The following CHD7 variants were observed in gnomAD, a reference collection of about 807,000 sequenced individuals.
CHD7 encodes chromodomain helicase DNA binding protein 7.
CHD7 carries 24 observed loss-of-function variants against 307.3 expected under a neutral mutation model. The observed-to-expected ratio is 0.08, with a 90% CI of 0.06 to 0.11. The LOEUF (loss-of-function observed/expected upper bound fraction) is 0.11, where lower values mean the gene tolerates loss of function less well. Among genes scored for constraint, CHD7 ranks in the 10% least tolerant of loss-of-function variants. CHD7 has a pLI of 1.00. For missense variants in CHD7, 3,106 were observed against 3,727.1 expected, an observed-to-expected ratio of 0.83 and a Z score of 4.34; for synonymous variants, 1,363 against 1,349.9, an observed-to-expected ratio of 1.01 and a Z score of -0.21.
At chr8:60,686,446 G>C (rs1486402549) in intron 1 of CHD7, among the ~76,000 whole-genome samples, 1 of 152,128 alleles carries the variant, frequency 6.6e-6, no homozygotes, top group Non-Finnish European at 1.5e-5. Context: ...AAGAGGTGTA[G>C]ACATCGAATG....
intron 5 of CHD7, among the ~76,000 whole-genome samples, 165 bp from the exon 6 acceptor site, chr8:60,801,363 G>A (rs1485383440): frequency 6.6e-6 from 1 of 152,162 alleles, no homozygotes; most frequent in African/African-American, 2.4e-5. Flanking sequence ...TTGCCTTTCA[G>A]TAGAGTGAGA....
rs41265252 is a variant in CHD7 at position 60,852,279 on chromosome 8, C to A, written c.5894+32C>A. ...TTCTTCAAGGTTTCCACTCAGCTCC[C>A]GGTACATGCCCCTCTGCCCTGCTCC... On this transcript the variant is annotated intron_variant, in intron 29 of 37. Coordinates refer to ENST00000423902, the MANE Select transcript of CHD7 (RefSeq NM_017780.4). 3.1e-5 allele frequency: 48 copies of A among 1,573,060 alleles called. No homozygotes were observed. Among genetic ancestry groups the A allele is most frequent in the Admixed American group, 5.1e-5 (3 of 58,996 alleles).
intron 1 of CHD7, among the ~76,000 whole-genome samples, chr8:60,730,865 A>T (rs1489958530): frequency 6.6e-6 from 1 of 152,208 alleles, no homozygotes; most frequent in African/African-American, 2.4e-5. Context: ...GTCTCAAAAA[A>T]AAAAAAGGAA....
At chr8:60,761,388 T>C (rs1300161032) in intron 2 of CHD7, among the ~76,000 whole-genome samples, 2 of 151,048 alleles carry the variant, frequency 1.3e-5, no homozygotes, top group Admixed American at 6.6e-5. Flanking sequence ...ATATACCTAA[T>C]GCTAAATGAC....
At chr8:60,830,953 G>A (rs1171639150) in intron 15 of CHD7, among the ~76,000 whole-genome samples, 1 of 152,152 alleles carries the variant, frequency 6.6e-6, no homozygotes, top group Non-Finnish European at 1.5e-5. Context: ...AGGAACTTAG[G>A]TGTGAGCAGA....
chr8:60,780,863 C>G (rs888918915), intron 2 of CHD7, 137 bp from the exon 3 acceptor site: 2 of 1,136,536 alleles, frequency 1.8e-6, no homozygotes, highest in African/African-American at 3.2e-5. Flanking sequence ...CTGATAGATT[C>G]TACAACTGTA....
rs1805130079 is a variant in CHD7, at chr8:60,844,729, G to C, written c.4851-135G>C. On this transcript the variant is annotated intron_variant, in intron 21 of 37. Transcript: ENST00000423902. The stretch of plus-strand genomic sequence containing the variant: ...GAGTGTTTTTAACTCTTGCACCCTG[G>C]ATTTCTTTCCTATCACCCAGTGTGA... The C allele has an allele frequency of 4.5e-6, 3 of 673,312 alleles. No individual in the cohort carries two copies. The South Asian group carries it at 7.0e-5, about 16-fold the overall frequency. The allele number at this position is 673,312 out of a possible 1,614,324, so 41.7% of individuals were successfully genotyped here. A position where few individuals can be genotyped will look rare whatever the true frequency, so the allele number is the denominator to read the frequency against.
intron 1 of CHD7, among the ~76,000 whole-genome samples, chr8:60,694,903 G>GT (rs1806390928): frequency 6.6e-6 from 1 of 152,214 alleles, no homozygotes; most frequent in Non-Finnish European, 1.5e-5. Context: ...TGGAAATGGA[G>GT]TTGAAAGGTT....
At chr8:60,696,802 A>G (rs1806498793) in intron 1 of CHD7, among the ~76,000 whole-genome samples, 2 of 151,916 alleles carry the variant, frequency 1.3e-5, no homozygotes. Context: ...CCATAATTTT[A>G]ACCAGCGATA....
chr8:60,848,148 G>C (rs1176339550), intron 23 of CHD7, among the ~76,000 whole-genome samples: 1 of 152,204 alleles, frequency 6.6e-6, no homozygotes, highest in Admixed American at 6.5e-5. Context: ...AAGCAGAACA[G>C]TTACTGAAAG....
chr8:60,680,414 GGGCGGCGGC>G (rs1220843543), intron 1 of CHD7, among the ~76,000 whole-genome samples: 124 of 116,498 alleles, frequency 1.1e-3, no homozygotes, highest in Non-Finnish European at 1.7e-3. Flanking sequence ...GGGGGGGCGG[GGGCGGCGGC>G]GGCGGCGGCT....
At chr8:60,774,349 T>A in intron 2 of CHD7, among the ~76,000 whole-genome samples, 1 of 152,202 alleles carries the variant, frequency 6.6e-6, no homozygotes, top group Admixed American at 6.5e-5. Flanking sequence ...GAACTGAAGA[T>A]GAGGTATGTA....
chr8:60,864,249 A>G (rs1806140095), intron 37 of CHD7: 2 of 152,034 alleles, frequency 1.3e-5, no homozygotes, highest in Admixed American at 6.6e-5. Flanking sequence ...TTAGCCAAGT[A>G]GCTGGGATGA....
chr8:60,701,188 C>G (rs967692036), intron 1 of CHD7, among the ~76,000 whole-genome samples: 1 of 152,194 alleles, frequency 6.6e-6, no homozygotes, highest in African/African-American at 2.4e-5. Context: ...AGTTTAGTCA[C>G]TGTTTCCAAG....
intron 33 of CHD7, 52 bp from the exon 34 acceptor site, chr8:60,856,393 G>T: frequency 6.7e-7 from 1 of 1,502,674 alleles, no homozygotes; most frequent in East Asian, 2.4e-5. Context: ...AGCCCATATA[G>T]CAGTACTGTT....
At chr8:60,686,509 G>A (rs1221852104) in intron 1 of CHD7, among the ~76,000 whole-genome samples, 2 of 152,314 alleles carry the variant, frequency 1.3e-5, no homozygotes, top group Middle Eastern at 6.8e-3. Flanking sequence ...GAATAGAGGG[G>A]ATGCTTCTTT....
In CHD7 at chr8:60,828,819, T is replaced by A. The variant is rs199581494; in HGVS notation, c.3522+13T>A. 1.2e-3 allele frequency: 1,914 copies of A among 1,609,450 alleles called. 4 individuals are homozygous for A. Among genetic ancestry groups the A allele is most frequent in the Admixed American group, 2.1e-3 (126 of 59,508 alleles). ...AACAGAAGAGCAGGTATTTATCAGC[T>A]CCACTTTGTATTTCAGTTATAAAAT... On this transcript the variant is annotated intron_variant, in intron 14 of 37. Coordinates refer to ENST00000423902, the MANE Select transcript of CHD7 (RefSeq NM_017780.4).
chr8:60,680,121 G>A (rs990863534), intron 1 of CHD7, among the ~76,000 whole-genome samples: 4 of 151,806 alleles, frequency 2.6e-5, no homozygotes, highest in African/African-American at 9.7e-5. Context: ...ACCCGCCGGG[G>A]GTCAGCGCCG....
rs184537293 is a variant in CHD7 at position 60,804,733 on chromosome 8, G to A, written c.2442+3140G>A. On this transcript the variant is annotated intron_variant, in intron 6 of 37. Coordinates refer to ENST00000423902, the MANE Select transcript of CHD7 (RefSeq NM_017780.4). ...TTGACTGTGACTACTTAATTTAGTAGTAGGATGCATAGGAAAGGCCTAAGT... is the reference window on the plus strand; with the variant it reads ...TTGACTGTGACTACTTAATTTAGTAATAGGATGCATAGGAAAGGCCTAAGT... 2.2e-3 allele frequency among the ~76,000 whole-genome samples: 338 copies of A among 152,284 alleles called. 2 individuals are homozygous for A. The highest frequency in any genetic ancestry group is 7.6e-3 in the African/African-American group (316 of 41,554).
Sources: allele counts gnomAD v4.1 joint callset (sites outside exome capture counted in the v4.1 genomes callset), GRCh38; gene constraint gnomAD v4.1.1; transcripts MANE v1.5; gene names NCBI Gene and HGNC (gene_info 2026-07-23, HGNC 2026-07-21).